The following PTPRG variants were observed in gnomAD, a reference collection of about 807,000 sequenced individuals.
The protein encoded by PTPRG is receptor-type tyrosine-protein phosphatase gamma.
PTPRG carries 102 observed loss-of-function variants against 165.3 expected under a neutral mutation model. The ratio of observed to expected loss-of-function variants is 0.62; its 90% CI spans 0.53 to 0.73. PTPRG has a LOEUF of 0.73. PTPRG is among the 30% of genes least tolerant of loss of function. PTPRG has a pLI of 0.00. For missense variants in PTPRG, 1,866 were observed against 1,861.4 expected (o/e 1.00, Z -0.05); for synonymous variants, 675 against 669.5 (o/e 1.01, Z -0.13).
chr3:61,725,729 C>G (rs1164507429), intron 1 of PTPRG, among the ~76,000 whole-genome samples: 1 of 132,556 alleles, frequency 7.5e-6, no homozygotes, highest in South Asian at 2.4e-4. Flanking sequence ...TTTTTTTTGG[C>G]TTGGAATGGC....
intron 2 of PTPRG, among the ~76,000 whole-genome samples, chr3:61,814,350 C>G (rs1423187388): frequency 6.6e-6 from 1 of 152,166 alleles, no homozygotes; most frequent in Non-Finnish European, 1.5e-5. Flanking sequence ...TTCATAACCA[C>G]TGGAGTATTC....
intron 5 of PTPRG, among the ~76,000 whole-genome samples, chr3:62,078,712 T>C (rs183635208): frequency 3.3e-5 from 5 of 152,344 alleles, no homozygotes; most frequent in Admixed American, 2.6e-4. Flanking sequence ...CTAAAGTTTT[T>C]GTTGCAACTA....
intron 1 of PTPRG, among the ~76,000 whole-genome samples, chr3:61,674,496 A>AAAAAAAAAAAAAAAAC (rs1462275573): frequency 6.6e-6 from 1 of 151,054 alleles, no homozygotes; most frequent in Non-Finnish European, 1.5e-5. Flanking sequence ...CAAAAAAAAA[A>AAAAAAAAAAAAAAAAC]AAAAAAAAAA....
chr3:61,601,746 T>G (rs923344018), intron 1 of PTPRG, among the ~76,000 whole-genome samples: 3 of 152,116 alleles, frequency 2.0e-5, no homozygotes, highest in Non-Finnish European at 4.4e-5. Context: ...CAGACTAACA[T>G]GATAGAAGGT....
rs1413448765 is a variant in PTPRG, at chr3:61,772,059, A to G, written c.190+23077A>G. On this transcript the variant is annotated intron_variant, in intron 2 of 29. Transcript: ENST00000474889. The stretch of plus-strand genomic sequence containing the variant: ...TGGGTGACAGAGTAAGACTCTGTCT[A>G]AAAAAAAAAAAAAAAAAAAAAAAAG... Among the ~76,000 whole-genome samples the G allele has an allele frequency of 1.6e-3, 108 of 68,622 alleles. 1 individual carries two copies. The highest frequency in any genetic ancestry group is 1.8e-3 in the Admixed American group (12 of 6,522). The allele number at this position is 68,622 out of a possible 152,430, so 45.0% of individuals were successfully genotyped here. A position where few individuals can be genotyped will look rare whatever the true frequency, so the allele number is the denominator to read the frequency against.
chr3:61,753,582 AG>A, intron 2 of PTPRG: 2 of 350,292 alleles, frequency 5.7e-6, no homozygotes, highest in African/African-American at 3.0e-5. Context: ...TAGAAATTTG[AG>A]GGTTTTTTTT....
Position 61,990,653 on chromosome 3 carries a change from G to A in PTPRG, c.370+849G>A, listed in dbSNP as rs149238415. 3.1e-3 allele frequency among the ~76,000 whole-genome samples: 477 copies of A among 152,266 alleles called. 2 individuals are homozygous for A. Among genetic ancestry groups the A allele is most frequent in the Middle Eastern group, 0.014 (4 of 294 alleles). On this transcript the variant is annotated intron_variant, in intron 3 of 29. Transcript: ENST00000474889. ...ACATCTCTGCTTAGTGCTACCTGGG[G>A]TTCTGTTGATGCCTAAAGATATTTT... is the stretch of plus-strand genomic sequence containing the variant.
chr3:61,695,195 G>C (rs1454339934), intron 1 of PTPRG, among the ~76,000 whole-genome samples: 1 of 152,110 alleles, frequency 6.6e-6, no homozygotes, highest in African/African-American at 2.4e-5. Context: ...ATTTTTAGGA[G>C]AGACAGGATT....
At chr3:62,231,539 G>A (rs935695829) in intron 14 of PTPRG, among the ~76,000 whole-genome samples, 3 of 152,050 alleles carry the variant, frequency 2.0e-5, no homozygotes, top group African/African-American at 7.2e-5. Context: ...GCTTTATTTT[G>A]CAGTTTTGGG....
intron 5 of PTPRG, chr3:62,124,255 A>G (rs1355025630): frequency 4.4e-6 from 6 of 1,378,430 alleles, no homozygotes; most frequent in Non-Finnish European, 6.2e-6. Flanking sequence ...AAGGGAATTC[A>G]GAAGCCTGCA....
chr3:62,179,169 T>C (rs1705554073), intron 8 of PTPRG, among the ~76,000 whole-genome samples: 2 of 152,138 alleles, frequency 1.3e-5, no homozygotes, highest in Non-Finnish European at 2.9e-5. Flanking sequence ...AACAGTCTCA[T>C]CTCCCTGCCC....
intron 2 of PTPRG, among the ~76,000 whole-genome samples, chr3:61,987,934 A>T (rs1052321997): frequency 8.5e-5 from 13 of 152,190 alleles, no homozygotes; most frequent in African/African-American, 3.1e-4. Context: ...TGGCAAATGC[A>T]TACTATCCCT....
intron 5 of PTPRG, among the ~76,000 whole-genome samples, chr3:62,110,133 C>A (rs928575878): frequency 1.4e-5 from 2 of 140,902 alleles, no homozygotes; most frequent in African/African-American, 5.3e-5. Flanking sequence ...TTCCTGTACC[C>A]CTTAGAGACC....
rs538304335 is a variant in PTPRG at position 61,757,444 on chromosome 3, A to T, written c.190+8462A>T. ...GGGGAGAAAAAGAAAAAAACCTAAA[A>T]GGGAAGCCAGAAGGAAAGCAAAAAC... On this transcript the variant is annotated intron_variant, in intron 2 of 29. Coordinates refer to ENST00000474889, the MANE Select transcript of PTPRG (RefSeq NM_002841.4). 7.6e-4 allele frequency among the ~76,000 whole-genome samples: 115 copies of T among 152,290 alleles called. 1 individual carries two copies. The highest frequency in any genetic ancestry group is 1.9e-3 in the Admixed American group (29 of 15,302).
chr3:62,170,079 A>G (rs1031968952), intron 8 of PTPRG, among the ~76,000 whole-genome samples: 79 of 152,286 alleles, frequency 5.2e-4, no homozygotes, highest in African/African-American at 1.8e-3. Flanking sequence ...GTCAGGCACC[A>G]GGTTCCCTCA....
chr3:61,678,749 T>C (rs1703323955), intron 1 of PTPRG, among the ~76,000 whole-genome samples: 1 of 152,214 alleles, frequency 6.6e-6, no homozygotes, highest in African/African-American at 2.4e-5. Context: ...ATACTTATTA[T>C]ACAAATAACC....
chr3:62,208,426 T>G (rs2106855045), intron 12 of PTPRG, among the ~76,000 whole-genome samples: 1 of 152,280 alleles, frequency 6.6e-6, no homozygotes, highest in East Asian at 1.9e-4. Context: ...TTTGTTTCCT[T>G]AAATTAGGGA....
intron 4 of PTPRG, among the ~76,000 whole-genome samples, chr3:62,012,924 C>T (rs2041461969): frequency 6.6e-6 from 1 of 152,294 alleles, no homozygotes; most frequent in East Asian, 1.9e-4. Context: ...TACTTTTTAT[C>T]TGGATTGACC....
At chr3:61,649,173 C>T (rs996315639) in intron 1 of PTPRG, among the ~76,000 whole-genome samples, 2 of 151,334 alleles carry the variant, frequency 1.3e-5, no homozygotes, top group African/African-American at 4.9e-5. Flanking sequence ...CTTTCCCTCC[C>T]TCCTTCCTTC....
Sources: gnomAD v4.1 joint callset for allele counts (sites outside exome capture counted in the v4.1 genomes callset) on GRCh38, gnomAD v4.1.1 for gene constraint, MANE v1.5 for transcripts, NCBI Gene and HGNC (gene_info 2026-07-23, HGNC 2026-07-21) for gene names.